PACRG: variants seen among roughly 807,000 people sequenced by gnomAD.
The protein encoded by PACRG is parkin coregulated.
In PACRG, 29 loss-of-function variants were observed where a neutral mutation model predicts 29.7. The ratio of observed to expected loss-of-function variants is 0.98; its 90% CI spans 0.73 to 1.33. PACRG has a LOEUF of 1.33. Ranked by LOEUF, PACRG falls within the 40% of genes most tolerant of loss-of-function variation. The pLI is 0.00. For synonymous variants in PACRG, 116 were observed against 118.7 expected (o/e 0.98, Z 0.15); for missense variants, 279 against 316.2 (o/e 0.88, Z 0.89).
intron 2 of PACRG, among the ~76,000 whole-genome samples, chr6:162,864,242 A>G (rs1456476439): frequency 6.6e-6 from 1 of 152,194 alleles, no homozygotes; most frequent in South Asian, 2.1e-4. Context: ...CTGACTGCCA[A>G]TTATCCATAT....
intron 4 of PACRG, among the ~76,000 whole-genome samples, chr6:163,118,589 A>T (rs933789941): frequency 6.6e-6 from 1 of 152,244 alleles, no homozygotes; most frequent in Non-Finnish European, 1.5e-5. Flanking sequence ...TCACTTGCTA[A>T]CTTAGTAAAG....
At chr6:163,313,884 C>T (rs1472529500) in intron 4 of PACRG, 2 of 152,048 alleles carry the variant, frequency 1.3e-5, no homozygotes, top group East Asian at 3.9e-4. Context: ...GAATGACTAT[C>T]GTTAGAGAAA....
At chr6:163,312,227 C>G (rs558796172) in intron 4 of PACRG, among the ~76,000 whole-genome samples, 1 of 152,250 alleles carries the variant, frequency 6.6e-6, no homozygotes, top group South Asian at 2.1e-4. Context: ...AAGGGGCACA[C>G]AAAGATGAGC....
At chr6:163,180,723 A>G (rs987042909) in intron 4 of PACRG, among the ~76,000 whole-genome samples, 7 of 152,158 alleles carry the variant, frequency 4.6e-5, no homozygotes, top group Non-Finnish European at 8.8e-5. Flanking sequence ...TGAGCCACTT[A>G]TTTGGTTCTT....
At chr6:163,226,368 A>G (rs554223374) in intron 4 of PACRG, among the ~76,000 whole-genome samples, 2 of 152,244 alleles carry the variant, frequency 1.3e-5, no homozygotes, top group Non-Finnish European at 2.9e-5. Flanking sequence ...CCACAAAAAC[A>G]TGAGAAGCAT....
At position 163,062,334 on chromosome 6, in the gene PACRG, G is replaced by C; in HGVS notation, c.463+13G>C. On this transcript the variant is annotated intron_variant, in intron 3 of 4. Transcript: ENST00000366888. Reference sequence around the variant, plus strand: ...ATCCCGATAAAAAGTAAGTGAACCGGTGAAAAAGCATCACTCAGTTTATAC... The same window carrying C: ...ATCCCGATAAAAAGTAAGTGAACCGCTGAAAAAGCATCACTCAGTTTATAC... 4 of 1,604,062 alleles carry C rather than the reference G, an allele frequency of 2.5e-6. No individual in the cohort carries two copies. The highest frequency in any genetic ancestry group is 3.4e-6 in the Non-Finnish European group (4 of 1,175,926).
chr6:162,970,901 G>A (rs1010544054), intron 2 of PACRG, among the ~76,000 whole-genome samples: 4 of 152,144 alleles, frequency 2.6e-5, no homozygotes, highest in African/African-American at 9.7e-5. Context: ...GGCTTGTACT[G>A]CAACTCAACA....
At chr6:163,152,746 G>A (rs961127710) in intron 4 of PACRG, among the ~76,000 whole-genome samples, 2 of 152,206 alleles carry the variant, frequency 1.3e-5, no homozygotes, top group Non-Finnish European at 1.5e-5. Flanking sequence ...GGCGTTGAAA[G>A]CCATTATTAA....
At chr6:162,948,177 G>A (rs1799384335) in intron 2 of PACRG, among the ~76,000 whole-genome samples, 1 of 152,074 alleles carries the variant, frequency 6.6e-6, no homozygotes, top group Non-Finnish European at 1.5e-5. Context: ...GAACAGGATG[G>A]TATTGATATA....
chr6:163,072,987 C>G (rs111732356), intron 3 of PACRG, among the ~76,000 whole-genome samples: 5 of 151,964 alleles, frequency 3.3e-5, no homozygotes, highest in African/African-American at 7.2e-5. Context: ...TTTATGTTCA[C>G]GAATTGGAAG....
At chr6:162,816,407 C>T (rs1787344076) in intron 2 of PACRG, among the ~76,000 whole-genome samples, 1 of 152,136 alleles carries the variant, frequency 6.6e-6, no homozygotes, top group Admixed American at 6.5e-5. Flanking sequence ...GGCTAGAGCG[C>T]AGTGACACGA....
intron 1 of PACRG, among the ~76,000 whole-genome samples, chr6:162,740,763 C>A (rs1370829335): frequency 2.0e-5 from 3 of 151,314 alleles, no homozygotes; most frequent in Non-Finnish European, 4.4e-5. Context: ...CCACGCCCAG[C>A]TAATTTTTGT....
At chr6:163,264,875 A>G (rs1783469151) in intron 4 of PACRG, among the ~76,000 whole-genome samples, 1 of 152,180 alleles carries the variant, frequency 6.6e-6, no homozygotes, top group East Asian at 1.9e-4. Context: ...TTTCGCAAGT[A>G]TGTAGGCCTG....
chr6:162,860,713 A>C (rs1458165627), intron 2 of PACRG, among the ~76,000 whole-genome samples: 1 of 152,170 alleles, frequency 6.6e-6, no homozygotes, highest in Non-Finnish European at 1.5e-5. Context: ...ATTTTTATCA[A>C]AGGTACAAAT....
At chr6:162,883,575 C>T (rs980182487) in intron 2 of PACRG, among the ~76,000 whole-genome samples, 3 of 151,882 alleles carry the variant, frequency 2.0e-5, no homozygotes, top group Non-Finnish European at 2.9e-5. Context: ...TTAATTTTAT[C>T]GGTTTTTAAA....
intron 1 of PACRG, among the ~76,000 whole-genome samples, chr6:162,795,428 CAT>C (rs1431893185): frequency 6.6e-6 from 1 of 152,084 alleles, no homozygotes; most frequent in Non-Finnish European, 1.5e-5. Context: ...ATGAATCGTC[CAT>C]GTTTCCCCAC....
At chr6:163,171,558 T>C (rs1779086984) in intron 4 of PACRG, among the ~76,000 whole-genome samples, 2 of 152,194 alleles carry the variant, frequency 1.3e-5, no homozygotes, top group Admixed American at 6.5e-5. Flanking sequence ...CTACTCCCAA[T>C]GATGTACCAA....
At chr6:162,788,966 C>T (rs1428426086) in intron 1 of PACRG, among the ~76,000 whole-genome samples, 1 of 152,052 alleles carries the variant, frequency 6.6e-6, no homozygotes, top group Non-Finnish European at 1.5e-5. Flanking sequence ...TTCTCATTCT[C>T]TTGAAGAAGA....
At chr6:163,253,475 C>G (rs1480858122) in intron 4 of PACRG, among the ~76,000 whole-genome samples, 1 of 152,078 alleles carries the variant, frequency 6.6e-6, no homozygotes, top group Non-Finnish European at 1.5e-5. Context: ...GGACACATGT[C>G]TAAATGTCTG....
Sources: gnomAD v4.1 joint callset for allele counts (sites outside exome capture counted in the v4.1 genomes callset) on GRCh38, gnomAD v4.1.1 for gene constraint, MANE v1.5 for transcripts, NCBI Gene and HGNC (gene_info 2026-07-23, HGNC 2026-07-21) for gene names.